The following SERPINI1 variants were observed in gnomAD, a reference collection of about 807,000 sequenced individuals.
SERPINI1 encodes the protein serpin family I member 1.
In SERPINI1, 19 loss-of-function variants were observed where a neutral mutation model predicts 41.1. The ratio of observed to expected loss-of-function variants is 0.46; its 90% confidence interval spans 0.32 to 0.68. SERPINI1 has a LOEUF of 0.68. SERPINI1 is among the 30% of genes least tolerant of loss of function. SERPINI1 has a pLI of 0.03. For missense variants in SERPINI1, 460 were observed against 479.2 expected (o/e 0.96, Z 0.37); for synonymous variants, 138 against 156.6 (o/e 0.88, Z 0.89).
chr3:167,799,612 T>C (rs2108562736), intron 5 of SERPINI1, among the ~76,000 whole-genome samples: 1 of 152,290 alleles, frequency 6.6e-6, no homozygotes, highest in East Asian at 1.9e-4. Context: ...CTTGAGGAAT[T>C]GCCACACTGT....
intron 1 of SERPINI1, among the ~76,000 whole-genome samples, chr3:167,756,732 C>G (rs1442029109): frequency 6.6e-6 from 1 of 152,144 alleles, no homozygotes; most frequent in Non-Finnish European, 1.5e-5. Context: ...CTATGGCAGT[C>G]ATGCCATAAA....
At chr3:167,800,329 G>A (rs2131113) in intron 5 of SERPINI1, among the ~76,000 whole-genome samples, 50,583 of 151,998 alleles carry the variant, frequency 0.33, 9,257 homozygotes, top group African/African-American at 0.48. Flanking sequence ...AGCATTATGT[G>A]ATTATTACCT....
At chr3:167,753,389 C>G (rs918521642) in intron 1 of SERPINI1, among the ~76,000 whole-genome samples, 1 of 152,118 alleles carries the variant, frequency 6.6e-6, no homozygotes, top group African/African-American at 2.4e-5. Context: ...ACTGTTTCCT[C>G]TTTCACAAAG....
intron 1 of SERPINI1, among the ~76,000 whole-genome samples, chr3:167,775,849 A>G (rs80060821): frequency 0.011 from 1,646 of 152,282 alleles, 25 homozygotes; most frequent in African/African-American, 0.036. Flanking sequence ...TTGCATTAAT[A>G]TGTAAGTCCT....
chr3:167,764,964 G>T (rs556918151), intron 1 of SERPINI1, among the ~76,000 whole-genome samples: 61 of 152,334 alleles, frequency 4.0e-4, no homozygotes, highest in African/African-American at 1.4e-3. Context: ...GATGCAAGAG[G>T]TAGGTTCTCA....
chr3:167,748,752 CTGTG>C (rs34438429), intron 1 of SERPINI1, among the ~76,000 whole-genome samples: 6,053 of 143,566 alleles, frequency 0.042, 156 homozygotes, highest in South Asian at 0.047. Context: ...GTGTGTTACT[CTGTG>C]TGTGTGTGTG....
chr3:167,744,605 TTA>T (rs1559992765), intron 1 of SERPINI1, among the ~76,000 whole-genome samples: 1 of 139,908 alleles, frequency 7.1e-6, no homozygotes, highest in Non-Finnish European at 1.5e-5. Context: ...TTGTTATTTT[TTA>T]TATATATAAC....
At chr3:167,816,038 T>G (rs1320423228) in intron 6 of SERPINI1, among the ~76,000 whole-genome samples, 1 of 152,186 alleles carries the variant, frequency 6.6e-6, no homozygotes, top group Non-Finnish European at 1.5e-5. Flanking sequence ...ATTACAAGAA[T>G]AAACTTAAAA....
intron 1 of SERPINI1, among the ~76,000 whole-genome samples, chr3:167,787,701 C>G (rs1257286219): frequency 6.6e-6 from 1 of 152,230 alleles, no homozygotes; most frequent in Non-Finnish European, 1.5e-5. Context: ...GACTTACCTT[C>G]CTAAACAAGC....
At chr3:167,777,824 A>G (rs1289383320) in intron 1 of SERPINI1, among the ~76,000 whole-genome samples, 1 of 152,216 alleles carries the variant, frequency 6.6e-6, no homozygotes, top group African/African-American at 2.4e-5. Flanking sequence ...CTTGATTGCC[A>G]CTGTAACAAT....
intron 1 of SERPINI1, among the ~76,000 whole-genome samples, chr3:167,745,166 T>C (rs1182464818): frequency 6.6e-6 from 1 of 151,246 alleles, no homozygotes; most frequent in Non-Finnish European, 1.5e-5. Flanking sequence ...AAATATAGAC[T>C]CAAAAATGCT....
intron 1 of SERPINI1, among the ~76,000 whole-genome samples, chr3:167,788,625 G>A (rs1327845130): frequency 6.6e-6 from 1 of 152,200 alleles, no homozygotes; most frequent in East Asian, 1.9e-4. Flanking sequence ...ACTGGGATTT[G>A]AGGCAGGTAT....
Position 167,790,549 on chromosome 3 carries a change from A to G in SERPINI1, c.428A>G (p.Gln143Arg), listed in dbSNP as rs1338594385. The change falls in exon 3 of 9, where the codon CAA becomes CGA. Residue 143 changes from glutamine (Q) to arginine (R), a missense_variant. Physicochemically the swap from Gln to Arg is conservative, Grantham distance 43. Transcript: ENST00000446050. ...NAAVNHVDFS[Q>R]NVAVANYINK... ...GCAGTAAATCATGTGGACTTCAGTC[A>G]AAATGTAGCCGTGGCCAACTACATC... 2 of 1,614,032 alleles carry G rather than the reference A, an allele frequency of 1.2e-6. No homozygotes were observed. The highest frequency in any genetic ancestry group is 4.5e-5 in the East Asian group (2 of 44,870).
At chr3:167,737,268 T>C (rs1448783733) in intron 1 of SERPINI1, among the ~76,000 whole-genome samples, 1 of 152,094 alleles carries the variant, frequency 6.6e-6, no homozygotes, top group African/African-American at 2.4e-5. Context: ...TAGAAATATA[T>C]AGACAGATAG....
chr3:167,736,425 T>C (rs192966975), intron 1 of SERPINI1, among the ~76,000 whole-genome samples: 80 of 152,336 alleles, frequency 5.3e-4, no homozygotes, highest in African/African-American at 1.9e-3. Context: ...AAAAATGAAT[T>C]TTAATGAATG....
At chr3:167,795,470 G>A (rs533110631) in intron 5 of SERPINI1, among the ~76,000 whole-genome samples, 54 of 152,208 alleles carry the variant, frequency 3.5e-4, no homozygotes, top group South Asian at 1.4e-3. Flanking sequence ...ATTATGCCAC[G>A]TACATCATGC....
chr3:167,781,890 C>T (rs1173700410), intron 1 of SERPINI1, among the ~76,000 whole-genome samples: 1 of 151,992 alleles, frequency 6.6e-6, no homozygotes, highest in Non-Finnish European at 1.5e-5. Context: ...ATTCATCATA[C>T]CTCAATTACA....
chr3:167,739,397 C>T (rs1225675250), intron 1 of SERPINI1, among the ~76,000 whole-genome samples: 3 of 152,210 alleles, frequency 2.0e-5, no homozygotes, highest in Non-Finnish European at 4.4e-5. Flanking sequence ...ATTGCTTACA[C>T]ATTAGTCCTT....
intron 1 of SERPINI1, among the ~76,000 whole-genome samples, chr3:167,750,667 G>A (rs934988289): frequency 1.1e-4 from 16 of 152,138 alleles, no homozygotes; most frequent in Admixed American, 2.6e-4. Flanking sequence ...TATGACAATC[G>A]TATGAGACAA....
Sources: allele counts gnomAD v4.1 joint callset (sites outside exome capture counted in the v4.1 genomes callset), GRCh38; gene constraint gnomAD v4.1.1; transcripts MANE v1.5; gene names NCBI Gene and HGNC (gene_info 2026-07-23, HGNC 2026-07-21).